Variants in ZNF208 observed in about 807,000 individuals in gnomAD.
ZNF208 encodes zinc finger protein 95.
A neutral mutation model predicts 12.1 loss-of-function variants in ZNF208; 10 were observed. The ratio of observed to expected loss-of-function variants is 0.83; its 90% CI spans 0.51 to 1.40. ZNF208 has a LOEUF of 1.40. Among genes scored for constraint, ZNF208 ranks in the 40% most tolerant of loss-of-function variants. ZNF208 has a pLI of 0.00. For synonymous variants in ZNF208, 497 were observed against 488.4 expected (o/e 1.02, Z -0.23); for missense variants, 1,652 against 1,485.0 (o/e 1.11, Z -1.85).
chr19:21,975,320 G>C (rs928431026), intron 3 of ZNF208, among the ~76,000 whole-genome samples: 1 of 152,186 alleles, frequency 6.6e-6, no homozygotes. Context: ...GTTTGAGTCT[G>C]CTGAGACCAA....
chr19:21,943,222 A>G (rs1167728336), intron 4 of ZNF208, among the ~76,000 whole-genome samples: 1 of 152,194 alleles, frequency 6.6e-6, no homozygotes, highest in Non-Finnish European at 1.5e-5. Flanking sequence ...GAGTATTTGG[A>G]CTTTGGTTTT....
chr19:21,947,112 T>G (rs1969826318), intron 4 of ZNF208, among the ~76,000 whole-genome samples: 1 of 152,182 alleles, frequency 6.6e-6, no homozygotes, highest in Admixed American at 6.5e-5. Flanking sequence ...AACTCAGAGT[T>G]GTTGTTTTAT....
downstream of ZNF208, among the ~76,000 whole-genome samples, chr19:21,962,360 A>C (rs1970086415): frequency 6.6e-6 from 1 of 152,170 alleles, no homozygotes; most frequent in South Asian, 2.1e-4. Flanking sequence ...AACTTATATT[A>C]ACTGTGAGTT....
intron 1 of ZNF208, among the ~76,000 whole-genome samples, chr19:21,994,083 CA>C (rs1221371357): frequency 1.3e-5 from 2 of 151,938 alleles, no homozygotes; most frequent in African/African-American, 4.8e-5. Context: ...TTGATTTTTT[CA>C]AAAAATGTAT....
At chr19:21,984,192 A>G (rs1970594043) in intron 3 of ZNF208, among the ~76,000 whole-genome samples, 1 of 152,160 alleles carries the variant, frequency 6.6e-6, no homozygotes, top group African/African-American at 2.4e-5. Flanking sequence ...TAAAACTGAA[A>G]TTTTATGAAT....
intron 4 of ZNF208, among the ~76,000 whole-genome samples, chr19:21,958,707 A>G (rs1970016596): frequency 6.6e-6 from 1 of 150,926 alleles, no homozygotes; most frequent in African/African-American, 2.4e-5. Flanking sequence ...TTCTTCTGAG[A>G]TACTTAAACC....
At chr19:21,964,608 A>G (rs536650135), downstream of ZNF208, among the ~76,000 whole-genome samples, 7 of 151,760 alleles carry the variant, frequency 4.6e-5, no homozygotes, top group Admixed American at 4.6e-4. Flanking sequence ...GGATTCTAAC[A>G]ATGATATCTC....
intron 1 of ZNF208, among the ~76,000 whole-genome samples, chr19:22,002,341 GC>G (rs1204396348): frequency 6.6e-6 from 1 of 152,086 alleles, no homozygotes; most frequent in Non-Finnish European, 1.5e-5. Context: ...GGTAGTCTTA[GC>G]CAGAGCAATC....
downstream of ZNF208, among the ~76,000 whole-genome samples, chr19:21,963,025 A>T (rs1970102790): frequency 6.6e-6 from 1 of 152,096 alleles, no homozygotes; most frequent in Non-Finnish European, 1.5e-5. Flanking sequence ...TCACATAAGT[A>T]TTCTATTTAT....
rs1568445021 is a variant in ZNF208 at position 21,973,500 on chromosome 19, G to A, written c.1534C>T (p.Leu512Phe). The stretch of plus-strand genomic sequence containing the variant: ...GTATGAATTCTCTTATGTTCCATAA[G>A]GTTTGAGGACCAGTTGAAAGCTTTG... The part of the protein sequence containing the change: ...CGKAFNWSSN[L>F]MEHKRIHTGE... The change falls in exon 4 of 4, where the codon CTT (leucine) becomes TTT (phenylalanine). Residue 512 changes from leucine (L) to phenylalanine (F), a missense_variant. Leu to Phe is a conservative substitution (Grantham distance 22). Coordinates refer to ENST00000397126, the MANE Select transcript of ZNF208 (RefSeq NM_007153.3). The A allele has an allele frequency of 1.2e-6, 2 of 1,613,068 alleles. No individual in the cohort carries two copies. Among genetic ancestry groups the A allele is most frequent in the Admixed American group, 1.7e-5 (1 of 59,902 alleles).
At chr19:21,987,119 T>G (rs944110294) in intron 3 of ZNF208, 97 bp downstream of exon 3, 1 of 1,308,336 alleles carries the variant, frequency 7.6e-7, no homozygotes, top group African/African-American at 1.6e-5. Flanking sequence ...CAGAAACTAC[T>G]TCTTTTGGAA....
chr19:21,965,503 A>G (rs1970147781), downstream of ZNF208, among the ~76,000 whole-genome samples: 1 of 152,092 alleles, frequency 6.6e-6, no homozygotes, highest in Non-Finnish European at 1.5e-5. Context: ...TCTTTTGTTC[A>G]ACTACAGACT....
chr19:21,989,660 G>A (rs974797012), intron 1 of ZNF208, among the ~76,000 whole-genome samples: 1 of 152,060 alleles, frequency 6.6e-6, no homozygotes, highest in Non-Finnish European at 1.5e-5. Flanking sequence ...ATTGCCACAT[G>A]GACTTCCACA....
intron 1 of ZNF208, among the ~76,000 whole-genome samples, chr19:22,000,158 G>C (rs542922039): frequency 1.2e-4 from 18 of 152,276 alleles, no homozygotes; most frequent in Non-Finnish European, 2.5e-4. Flanking sequence ...CATTGAAGAA[G>C]AAAATTAACA....
intron 3 of ZNF208, among the ~76,000 whole-genome samples, chr19:21,986,531 G>T (rs1970630916): frequency 6.6e-6 from 1 of 152,064 alleles, no homozygotes; most frequent in East Asian, 1.9e-4. Context: ...TACATTTTAT[G>T]CCTATCAATT....
intron 4 of ZNF208, among the ~76,000 whole-genome samples, chr19:21,948,256 T>C (rs1031246080): frequency 1.3e-5 from 2 of 152,210 alleles, no homozygotes; most frequent in Admixed American, 6.5e-5. Flanking sequence ...CACAAACCCA[T>C]GGCCATCTTA....
At chr19:21,978,989 T>C (rs1194539169) in intron 3 of ZNF208, among the ~76,000 whole-genome samples, 1 of 151,904 alleles carries the variant, frequency 6.6e-6, no homozygotes, top group Non-Finnish European at 1.5e-5. Context: ...AGACTGAAGA[T>C]TAACTTAATG....
At position 21,971,486 on chromosome 19, in the gene ZNF208, A is replaced by T; in HGVS notation, c.3548T>A (p.Ile1183Asn). 6.2e-7 allele frequency: 1 copy of T among 1,610,386 alleles called. No individual in the cohort carries two copies. Among genetic ancestry groups the T allele is most frequent in the South Asian group, 1.1e-5 (1 of 90,978 alleles). Residue 1183 changes from isoleucine to asparagine, a missense_variant, in exon 4 of 4, where the codon ATC becomes AAC. Ile to Asn is a moderately radical substitution (Grantham distance 149). Around this residue, in one of 3 missense-constraint regions of ZNF208, gnomAD observed 1,239 missense variants for 1,086.2 expected, o/e 1.14. Coordinates refer to ENST00000397126, the MANE Select transcript of ZNF208 (RefSeq NM_007153.3). Reference sequence around the variant, plus strand: ...ATGAATTACCTTATGTTTTGCAAGGATTGAGAACATAACAAAGCCTTTGCC... The same window carrying T: ...ATGAATTACCTTATGTTTTGCAAGGTTTGAGAACATAACAAAGCCTTTGCC... Reference protein sequence around the residue: ...ECGKGFVMFSILAKHKVIHTG... With the variant: ...ECGKGFVMFSNLAKHKVIHTG...
Position 21,969,532 on chromosome 19 carries a change from T to C in ZNF208, c.*1659A>G, listed in dbSNP as rs934172586. The stretch of plus-strand genomic sequence containing the variant: ...TTAAATATTTTTTATATTTACTGTA[T>C]CTGCAAAAACATATTTTAGTATAAA... On this transcript the variant is annotated 3_prime_UTR_variant, in exon 4 of 4. Transcript: ENST00000397126. 2.0e-5 allele frequency among the ~76,000 whole-genome samples: 3 copies of C among 152,200 alleles called. No homozygotes were observed. Among genetic ancestry groups the C allele is most frequent in the African/African-American group, 7.2e-5 (3 of 41,454 alleles).
Sources: gnomAD v4.1 joint callset for allele counts (sites outside exome capture counted in the v4.1 genomes callset) on GRCh38, gnomAD v4.1.1 for gene constraint, gnomAD v4.1.1 regional missense constraint, MANE v1.5 for transcripts, NCBI Gene and HGNC (gene_info 2026-07-23, HGNC 2026-07-21) for gene names.